The following NUP88 variants were observed in gnomAD, a reference collection of about 807,000 sequenced individuals.
NUP88 encodes nucleoporin 88.
A neutral mutation model predicts 93.9 loss-of-function variants in NUP88; 57 were observed. That is an observed-to-expected ratio of 0.61 (90% confidence interval 0.49 to 0.76). NUP88 has a LOEUF of 0.76. Ranked by LOEUF, NUP88 falls within the 30% of genes least tolerant of loss-of-function variation. The probability of loss-of-function intolerance (pLI) is 0.00; values close to 1 mark genes in which losing one functional copy is unlikely to be tolerated. For missense variants in NUP88, 911 were observed against 901.0 expected, an observed-to-expected ratio of 1.01 and a Z score of -0.14; for synonymous variants, 346 against 336.8, an observed-to-expected ratio of 1.03 and a Z score of -0.30.
intron 10 of NUP88, among the ~76,000 whole-genome samples, chr17:5,390,203 T>C (rs1014445046): frequency 2.6e-5 from 4 of 152,024 alleles, no homozygotes; most frequent in Non-Finnish European, 5.9e-5. Context: ...TTAATGTTTA[T>C]TTTTCCCCTT....
intron 5 of NUP88, among the ~76,000 whole-genome samples, chr17:5,405,444 G>A (rs144405633): frequency 6.6e-5 from 10 of 152,238 alleles, no homozygotes; most frequent in Middle Eastern, 3.4e-3. Context: ...TTGCCCTAGC[G>A]GACAGTGGCA....
At chr17:5,418,209 C>T (rs1429237755) in intron 1 of NUP88, 1 of 151,992 alleles carries the variant, frequency 6.6e-6, no homozygotes, top group East Asian at 1.9e-4. Flanking sequence ...AAATGCTACA[C>T]AGCAGTATAG....
chr17:5,389,443 G>A (rs551451793), intron 10 of NUP88, among the ~76,000 whole-genome samples: 2 of 152,276 alleles, frequency 1.3e-5, no homozygotes, highest in East Asian at 3.9e-4. Flanking sequence ...CACAGACTTC[G>A]GCAGCATGGC....
chr17:5,391,397 A>G, intron 10 of NUP88, 164 bp downstream of exon 10: 1 of 600,026 alleles, frequency 1.7e-6, no homozygotes. Context: ...AACCTTATAG[A>G]GATGATGGCA....
chr17:5,410,851 A>T (rs2151646121), intron 3 of NUP88, 62 bp from the exon 4 acceptor site: 1 of 1,002,640 alleles, frequency 1.0e-6, no homozygotes, highest in Non-Finnish European at 1.6e-6. Context: ...CCAAAACTGC[A>T]CTTTCCTCTC....
At position 5,419,500 on chromosome 17, in the gene NUP88, G is replaced by T. The variant is rs773600624; in HGVS notation, c.151C>A (p.Pro51Thr). 5 of 1,614,010 alleles carry T rather than the reference G, an allele frequency of 3.1e-6. No individual in the cohort carries two copies. The highest frequency in any genetic ancestry group is 4.2e-6 in the Non-Finnish European group (5 of 1,179,968). Residue 51 changes from proline to threonine, a missense_variant, in exon 1 of 17, where the codon CCG (proline) becomes ACG (threonine). Coordinates refer to ENST00000573584, the MANE Select transcript of NUP88 (RefSeq NM_002532.6). ...KPASSSLPSSPPPQLLTRNVV... is the reference protein window; with the variant it reads ...KPASSSLPSSTPPQLLTRNVV... ...TTTCTCGTCAGCAACTGCGGCGGCGGCGACGAAGGCAACGACGAAGAAGCT... is the reference window on the plus strand; with the variant it reads ...TTTCTCGTCAGCAACTGCGGCGGCGTCGACGAAGGCAACGACGAAGAAGCT...
intron 2 of NUP88, among the ~76,000 whole-genome samples, chr17:5,416,182 C>CAT (rs1244873531): frequency 9.9e-5 from 9 of 90,876 alleles, no homozygotes; most frequent in African/African-American, 2.9e-4. Flanking sequence ...TATATATATA[C>CAT]ACACATACAC....
chr17:5,386,608 A>C, intron 16 of NUP88, 100 bp downstream of exon 16: 1 of 832,762 alleles, frequency 1.2e-6, no homozygotes, highest in Non-Finnish European at 2.1e-6. Context: ...CTTGACATGC[A>C]AATACCAAGA....
chr17:5,387,503 C>T (rs1912090562), intron 13 of NUP88, 37 bp from the exon 14 acceptor site: 2 of 1,606,578 alleles, frequency 1.2e-6, no homozygotes, highest in East Asian at 2.2e-5. Flanking sequence ...TTGAGGTCCA[C>T]CCCTTGATGC....
At chr17:5,406,708 T>C (rs1474279598) in intron 5 of NUP88, among the ~76,000 whole-genome samples, 1 of 151,948 alleles carries the variant, frequency 6.6e-6, no homozygotes, top group East Asian at 1.9e-4. Context: ...TGGGCCACAC[T>C]GGAACAATTG....
chr17:5,388,864 ATCTGGGGTTT>A lies in NUP88; in HGVS notation c.1571_1580del (p.Glu524ValfsTer21). 6.2e-7 allele frequency: 1 copy of A among 1,614,144 alleles called. No individual in the cohort carries two copies. The highest frequency in any genetic ancestry group is 8.5e-7 in the Non-Finnish European group (1 of 1,180,004). Reference sequence around the variant, plus strand: ...TGCTTCTAATATGCTTTTCAAAGGAATCTGGGGTTTCAGCCAGAACACGGAGGGGAGACTC... The same window carrying A: ...TGCTTCTAATATGCTTTTCAAAGGAACAGCCAGAACACGGAGGGGAGACTC... On this transcript the variant is annotated frameshift_variant, in exon 11 of 17. Transcript: ENST00000573584. LOFTEE classifies it high-confidence loss of function.
chr17:5,393,305 C>T (rs1912560263), intron 9 of NUP88, among the ~76,000 whole-genome samples: 1 of 151,988 alleles, frequency 6.6e-6, no homozygotes, highest in South Asian at 2.1e-4. Flanking sequence ...CTATGTTGCC[C>T]AGGCTGGTCT....
In NUP88 at chr17:5,413,976, C is replaced by T. The variant is rs1806262; in HGVS notation, c.593+33G>A. The T allele has an allele frequency of 0.023, 36,912 of 1,607,156 alleles. 1,239 individuals carry two copies. The highest frequency in any genetic ancestry group is 0.13 in the East Asian group (6,001 of 44,500). On this transcript the variant is annotated intron_variant, in intron 3 of 16. Coordinates refer to ENST00000573584, the MANE Select transcript of NUP88 (RefSeq NM_002532.6). ...CAAACAGAAACAGAGCTTTCCCACT[C>T]GCAAGGCTTCAAGAGAGAGAAATAA... is the stretch of plus-strand genomic sequence containing the variant.
At chr17:5,387,502 A>G in intron 13 of NUP88, 36 bp from the exon 14 acceptor site, 1 of 1,607,414 alleles carries the variant, frequency 6.2e-7, no homozygotes, top group Non-Finnish European at 8.5e-7. Context: ...CTTGAGGTCC[A>G]CCCCTTGATG....
chr17:5,407,444 T>G (rs1401651676), intron 5 of NUP88, among the ~76,000 whole-genome samples: 1 of 152,184 alleles, frequency 6.6e-6, no homozygotes, highest in Non-Finnish European at 1.5e-5. Flanking sequence ...TTCAATCTTG[T>G]ATTTCCATCT....
rs143358064 is a variant in NUP88, at chr17:5,394,967, C to G, written c.1306G>C (p.Asp436His). Residue 436 changes from aspartate (D) to histidine (H), a missense_variant, in exon 9 of 17, where the codon GAT (aspartate) becomes CAT (histidine). By Grantham distance (81) the Asp-to-His change is moderately conservative. Coordinates refer to ENST00000573584, the MANE Select transcript of NUP88 (RefSeq NM_002532.6). ...KFLGSDEEDK[D>H]SLQELSTEQK... Reference sequence around the variant, plus strand: ...TCTGTAGAGAGTTCCTGTAAACTATCCTTATCTTCTTCATCTACCATGGAA... The same window carrying G: ...TCTGTAGAGAGTTCCTGTAAACTATGCTTATCTTCTTCATCTACCATGGAA... 2 of 1,604,586 alleles carry G rather than the reference C, an allele frequency of 1.2e-6. No homozygotes were observed. The highest frequency in any genetic ancestry group is 2.7e-5 in the African/African-American group (2 of 74,700).
chr17:5,393,109 C>A (rs536147978), intron 9 of NUP88, among the ~76,000 whole-genome samples: 105 of 129,702 alleles, frequency 8.1e-4, no homozygotes, highest in Non-Finnish European at 1.1e-3. Context: ...CCCGCCACTA[C>A]ACCCAGCTAA....
intron 10 of NUP88, chr17:5,391,334 G>C (rs1054143168): frequency 4.0e-5 from 18 of 454,034 alleles, no homozygotes; most frequent in African/African-American, 3.4e-4. Context: ...CTGAAGAAAA[G>C]CTCCTGACTC....
chr17:5,404,304 T>C, intron 6 of NUP88, 58 bp from the exon 7 acceptor site: 2 of 1,586,508 alleles, frequency 1.3e-6, no homozygotes, highest in Non-Finnish European at 1.7e-6. Flanking sequence ...ATGTACACAA[T>C]TAAAAACAGG....
Sources: gnomAD v4.1 joint callset for allele counts (sites outside exome capture counted in the v4.1 genomes callset) on GRCh38, gnomAD v4.1.1 for gene constraint, MANE v1.5 for transcripts, NCBI Gene and HGNC (gene_info 2026-07-23, HGNC 2026-07-21) for gene names.